Variants in AGBL1 observed in about 807,000 individuals in gnomAD.
AGBL1 encodes cytosolic carboxypeptidase 4.
Under a neutral mutation model 118.9 loss-of-function variants are expected in AGBL1, and 130 were observed. The ratio of observed to expected loss-of-function variants is 1.09; its 90% CI spans 0.95 to 1.26. The LOEUF is 1.26. Among genes scored for constraint, AGBL1 ranks in the 50% most tolerant of loss-of-function variants. The pLI, the probability that AGBL1 is intolerant of heterozygous loss-of-function variation, is 0.00. For missense variants in AGBL1, 1,584 were observed against 1,298.1 expected (o/e 1.22, Z -3.38); for synonymous variants, 555 against 478.9 (o/e 1.16, Z -2.08).
At chr15:86,287,764 A>G (rs1024095861) in intron 16 of AGBL1, among the ~76,000 whole-genome samples, 1 of 152,156 alleles carries the variant, frequency 6.6e-6, no homozygotes, top group African/African-American at 2.4e-5. Flanking sequence ...AGAGAGAGAG[A>G]GAGTGAGCTC....
intron 23 of AGBL1, among the ~76,000 whole-genome samples, chr15:86,970,380 G>A (rs1011883050): frequency 6.6e-6 from 1 of 151,928 alleles, no homozygotes; most frequent in Non-Finnish European, 1.5e-5. Flanking sequence ...ATTGCCAATT[G>A]TATATCAGGC....
chr15:86,749,922 T>C (rs1019782090), intron 22 of AGBL1, among the ~76,000 whole-genome samples: 3 of 152,222 alleles, frequency 2.0e-5, no homozygotes, highest in African/African-American at 4.8e-5. Context: ...CAGTATTTTA[T>C]TGAGGATTTT....
chr15:86,126,019 A>G (rs559635030), intron 1 of AGBL1, among the ~76,000 whole-genome samples: 14 of 152,116 alleles, frequency 9.2e-5, no homozygotes, highest in African/African-American at 3.4e-4. Context: ...CTAATTGCCA[A>G]ACATTCATGG....
intron 7 of AGBL1, among the ~76,000 whole-genome samples, chr15:86,251,433 T>C (rs1203988382): frequency 6.6e-6 from 1 of 152,176 alleles, no homozygotes; most frequent in African/African-American, 2.4e-5. Flanking sequence ...ACTTCCTAAA[T>C]GACGCTGATA....
chr15:86,400,296 C>T (rs561577805), intron 18 of AGBL1, among the ~76,000 whole-genome samples: 42 of 152,142 alleles, frequency 2.8e-4, no homozygotes, highest in African/African-American at 9.6e-4. Context: ...CCCCCTCATC[C>T]GTGCCTGAAT....
At chr15:86,820,445 T>C (rs1294340058) in intron 22 of AGBL1, among the ~76,000 whole-genome samples, 1 of 151,128 alleles carries the variant, frequency 6.6e-6, no homozygotes, top group African/African-American at 2.4e-5. Context: ...CAAATTTACA[T>C]GAGAAACAAT....
At chr15:86,506,144 T>C (rs571630092) in intron 18 of AGBL1, among the ~76,000 whole-genome samples, 1 of 152,182 alleles carries the variant, frequency 6.6e-6, no homozygotes, top group East Asian at 1.9e-4. Context: ...TCAGACAGTT[T>C]ACATCTCTTC....
At chr15:86,492,016 C>T (rs1273700142) in intron 18 of AGBL1, among the ~76,000 whole-genome samples, 1 of 151,942 alleles carries the variant, frequency 6.6e-6, no homozygotes, top group Non-Finnish European at 1.5e-5. Context: ...TTGATTTTAC[C>T]TTCATTTTTG....
chr15:86,084,033 A>G lies in AGBL1; in HGVS notation c.51+4010A>G, dbSNP rs574731032. On this transcript the variant is annotated intron_variant, in intron 1 of 22. Transcript: ENST00000614907. ...TTTGTTGGAGATACCTGCTTCAACC[A>G]CAACTCAAACATAGAAACAAACTGA... 8.2e-4 allele frequency among the ~76,000 whole-genome samples: 125 copies of G among 152,382 alleles called. 1 individual carries two copies. The highest frequency in any genetic ancestry group is 2.7e-3 in the African/African-American group (112 of 41,586).
At chr15:86,247,079 C>G (rs1033179116) in intron 6 of AGBL1, among the ~76,000 whole-genome samples, 1 of 152,100 alleles carries the variant, frequency 6.6e-6, no homozygotes, top group Non-Finnish European at 1.5e-5. Flanking sequence ...TTACATAACC[C>G]CAGTTTATCA....
rs147576942 is a variant in AGBL1, at chr15:86,683,458, C to G, written c.3158+9022C>G. ...ATTTGCTGCTTCCAAAATGTTACCA[C>G]CTAATAACAACCATGAAAGTTAACC... On this transcript the variant is annotated intron_variant, in intron 22 of 22. Coordinates refer to ENST00000614907, the MANE Select transcript of AGBL1 (RefSeq NM_001386094.1). Among the ~76,000 whole-genome samples the G allele has an allele frequency of 1.8e-3, 268 of 152,248 alleles. 4 individuals are homozygous for G. The East Asian group carries it at 0.022, about 13-fold the overall frequency.
intron 22 of AGBL1, among the ~76,000 whole-genome samples, chr15:86,784,718 T>C (rs79483198): frequency 0.025 from 3,856 of 152,248 alleles, 52 homozygotes; most frequent in Middle Eastern, 0.041. Flanking sequence ...AAATTATCCA[T>C]AGAGACAGGT....
chr15:86,698,200 G>T (rs1596380135), intron 22 of AGBL1, among the ~76,000 whole-genome samples: 1 of 152,110 alleles, frequency 6.6e-6, no homozygotes, highest in East Asian at 1.9e-4. Flanking sequence ...AGGCAAGGGA[G>T]ATTGGTTAAA....
At chr15:86,594,678 T>C (rs1446473929) in intron 21 of AGBL1, among the ~76,000 whole-genome samples, 2 of 152,246 alleles carry the variant, frequency 1.3e-5, no homozygotes, top group African/African-American at 2.4e-5. Flanking sequence ...TGCTACATGA[T>C]ATTCCTTCAC....
At chr15:86,720,268 T>C (rs2086697453) in intron 22 of AGBL1, among the ~76,000 whole-genome samples, 1 of 152,186 alleles carries the variant, frequency 6.6e-6, no homozygotes, top group African/African-American at 2.4e-5. Flanking sequence ...GTTAGTTTTT[T>C]CACCTGGATG....
chr15:86,392,065 A>G (rs1398625625), intron 17 of AGBL1, among the ~76,000 whole-genome samples: 1 of 152,118 alleles, frequency 6.6e-6, no homozygotes, highest in African/African-American at 2.4e-5. Flanking sequence ...AAAAAAGTAA[A>G]CATTCCAGAT....
intron 1 of AGBL1, chr15:86,109,665 A>G (rs567858521): frequency 6.6e-6 from 1 of 152,330 alleles, no homozygotes; most frequent in South Asian, 2.1e-4. Flanking sequence ...CAGATTTGAG[A>G]AAACTTCTAT....
intron 22 of AGBL1, among the ~76,000 whole-genome samples, chr15:86,805,627 T>C (rs978518973): frequency 6.6e-6 from 1 of 152,214 alleles, no homozygotes; most frequent in African/African-American, 2.4e-5. Flanking sequence ...GGACTTAACA[T>C]AGCCCCTTGG....
chr15:86,990,798 A>C (rs1041427645), intron 24 of AGBL1, among the ~76,000 whole-genome samples: 15 of 152,154 alleles, frequency 9.9e-5, no homozygotes, highest in African/African-American at 3.6e-4. Flanking sequence ...AGGTGGTTCA[A>C]GGCCACCAGG....
Sources: allele counts gnomAD v4.1 joint callset (sites outside exome capture counted in the v4.1 genomes callset), GRCh38; gene constraint gnomAD v4.1.1; transcripts MANE v1.5; gene names NCBI Gene and HGNC (gene_info 2026-07-23, HGNC 2026-07-21).